Variants in KIF1B observed in about 807,000 individuals in gnomAD.
KIF1B encodes kinesin-like protein KIF1B.
A neutral mutation model predicts 241.9 loss-of-function variants in KIF1B; 76 were observed. That is an observed-to-expected ratio of 0.31 (90% CI 0.26 to 0.38). The LOEUF is 0.38. Ranked by LOEUF, KIF1B falls within the 10% of genes least tolerant of loss-of-function variation. The pLI, the probability that KIF1B is intolerant of heterozygous loss-of-function variation, is 1.00. For synonymous variants in KIF1B, 750 were observed against 796.7 expected, an observed-to-expected ratio of 0.94 and a Z score of 0.99; for missense variants, 1,622 against 2,271.4, an observed-to-expected ratio of 0.71 and a Z score of 5.81.
At chr1:10,280,380 T>C (rs1649348612) in intron 14 of KIF1B, among the ~76,000 whole-genome samples, 1 of 151,930 alleles carries the variant, frequency 6.6e-6, no homozygotes, top group South Asian at 2.1e-4. Context: ...GGACTATAGG[T>C]GCGCACCACC....
chr1:10,334,785 C>G, intron 28 of KIF1B, 147 bp downstream of exon 28: 1 of 703,902 alleles, frequency 1.4e-6, no homozygotes, highest in South Asian at 1.5e-5. Flanking sequence ...TTGGAGAAAG[C>G]CTTTATTGCT....
chr1:10,339,126 G>GA (rs1024760797), intron 31 of KIF1B, among the ~76,000 whole-genome samples: 5 of 152,102 alleles, frequency 3.3e-5, no homozygotes, highest in African/African-American at 1.2e-4. Flanking sequence ...CACTATCTGT[G>GA]AAAATAACTA....
At chr1:10,313,337 G>T (rs1021019666) in intron 22 of KIF1B, among the ~76,000 whole-genome samples, 1 of 151,344 alleles carries the variant, frequency 6.6e-6, no homozygotes, top group Non-Finnish European at 1.5e-5. Flanking sequence ...AAAGTTCTGG[G>T]ATTACAGGCA....
chr1:10,272,918 C>A (rs1025739269), intron 9 of KIF1B, 96 bp from the exon 10 acceptor site: 1 of 1,038,480 alleles, frequency 9.6e-7, no homozygotes, highest in South Asian at 1.5e-5. Context: ...TTGGAGAAAT[C>A]ATAATCTATG....
At chr1:10,256,408 G>C in intron 3 of KIF1B, 85 bp downstream of exon 3, 9 of 934,342 alleles carry the variant, frequency 9.6e-6, no homozygotes. Context: ...TAGCTGAGCA[G>C]ATCCAAGTTT....
intron 26 of KIF1B, among the ~76,000 whole-genome samples, chr1:10,325,409 G>C (rs1201626099): frequency 6.6e-6 from 1 of 151,892 alleles, no homozygotes; most frequent in East Asian, 1.9e-4. Context: ...GCCTCTATGA[G>C]TCCATATTGA....
chr1:10,279,103 C>A lies in KIF1B; in HGVS notation c.1187C>A (p.Pro396Gln). 1 of 1,546,460 alleles carries A rather than the reference C, an allele frequency of 6.5e-7. No homozygotes were observed. ...QGLGDIIDID[P>Q]LIDDYSGSGS... The stretch of plus-strand genomic sequence containing the variant: ...CCCTCCTGCTTACCTTCAGTTGATC[C>A]ATTGATCGATGATTACTCTGGAAGT... Residue 396 changes from proline to glutamine, a missense_variant, in exon 14 of 49, where the codon CCA (proline) becomes CAA (glutamine). Pro to Gln is a moderately conservative substitution (Grantham distance 76, BLOSUM62 -1). Coordinates refer to ENST00000676179, the MANE Select transcript of KIF1B (RefSeq NM_001365951.3).
intron 27 of KIF1B, among the ~76,000 whole-genome samples, chr1:10,331,807 T>C (rs1651931021): frequency 6.6e-6 from 1 of 152,266 alleles, no homozygotes; most frequent in Non-Finnish European, 1.5e-5. Flanking sequence ...AACTAGATTC[T>C]ATTTCCCTTT....
chr1:10,319,452 A>G (rs1651440473), intron 22 of KIF1B, among the ~76,000 whole-genome samples: 1 of 152,188 alleles, frequency 6.6e-6, no homozygotes, highest in South Asian at 2.1e-4. Flanking sequence ...TACTTGAATA[A>G]CTAAATGCAG....
rs1652103656 is a variant in KIF1B at position 10,334,808 on chromosome 1, T to TAAAGTATCACAAA, written c.3043+170_3043+171insAAAGTATCACAAA. On this transcript the variant is annotated intron_variant, in intron 28 of 48. Transcript: ENST00000676179. ...AGCCTTTATTGCTCCTTTCTAGCAATTGTTCCCAAGTATCACAAATAGATC... is the reference window on the plus strand; with the variant it reads ...AGCCTTTATTGCTCCTTTCTAGCAATAAAGTATCACAAATGTTCCCAAGTATCACAAATAGATC... Among the ~76,000 whole-genome samples, 4 of 152,370 alleles carry TAAAGTATCACAAA rather than the reference T, an allele frequency of 2.6e-5. No homozygotes were observed. The South Asian group carries it at 6.2e-4, about 24-fold the overall frequency.
At chr1:10,364,139 G>T (rs1199727685) in intron 41 of KIF1B, among the ~76,000 whole-genome samples, 1 of 151,016 alleles carries the variant, frequency 6.6e-6, no homozygotes, top group African/African-American at 2.4e-5. Flanking sequence ...TACTGAGTGT[G>T]TGTATGTGTG....
chr1:10,357,875 G>T (rs1274854588), intron 38 of KIF1B, among the ~76,000 whole-genome samples: 2 of 151,956 alleles, frequency 1.3e-5, no homozygotes, highest in Non-Finnish European at 2.9e-5. Flanking sequence ...CAGACTTGGT[G>T]GTGGGCGCCT....
rs1638556811 is a variant in KIF1B, at chr1:10,365,818, C to G, written c.4752+170C>G. Among the ~76,000 whole-genome samples, 1 of 152,200 alleles carries G rather than the reference C, an allele frequency of 6.6e-6. No homozygotes were observed. The highest frequency in any genetic ancestry group is 1.5e-5 in the Non-Finnish European group (1 of 68,040). On this transcript the variant is annotated intron_variant, in intron 43 of 48. Transcript: ENST00000676179. This position sits in a 1 kb window ranked among gnomAD's most constrained non-coding sequence, Gnocchi z 4.0. ...CCTACCCTCAACAAGCTTACAGGGC[C>G]AGGCACAGTGCCTGATGCCTATTAT...
chr1:10,299,494 A>AT (rs1181984814), intron 22 of KIF1B, among the ~76,000 whole-genome samples: 1 of 152,236 alleles, frequency 6.6e-6, no homozygotes, highest in African/African-American at 2.4e-5. Context: ...AAATGTCTTT[A>AT]TATATTACCC....
intron 22 of KIF1B, chr1:10,304,777 G>A (rs1313306409): frequency 6.5e-7 from 1 of 1,527,010 alleles, no homozygotes; most frequent in South Asian, 1.2e-5. Flanking sequence ...GTTTTATATT[G>A]TTAAGACAAA....
At position 10,337,851 on chromosome 1, in the gene KIF1B, T is replaced by A. The variant is rs1275367548; in HGVS notation, c.3422+318T>A. On this transcript the variant is annotated intron_variant, in intron 31 of 48. Coordinates refer to ENST00000676179, the MANE Select transcript of KIF1B (RefSeq NM_001365951.3). The surrounding 1 kb of genome is among the most constrained non-coding windows in gnomAD (Gnocchi z 4.0). ...ATGAGTCTTTCTAGTCCTCTTCATGTTGAAATGTCTTATTAATAAGCCTGA... is the reference window on the plus strand; with the variant it reads ...ATGAGTCTTTCTAGTCCTCTTCATGATGAAATGTCTTATTAATAAGCCTGA... Among the ~76,000 whole-genome samples, 1 of 152,166 alleles carries A rather than the reference T, an allele frequency of 6.6e-6. No individual in the cohort carries two copies. The highest frequency in any genetic ancestry group is 2.4e-5 in the African/African-American group (1 of 41,430).
Position 10,343,254 on chromosome 1 carries a change from T to A in KIF1B, c.3655T>A (p.Phe1219Ile), listed in dbSNP as rs1247401324. ...LNSPPQPCRR[F>I]FPPPMPLSKP... ...CAGTCCGCCTCAGCCGTGCCGCCGA[T>A]TCTTCCCTCCACCCATGCCACTGTC... Residue 1219 changes from phenylalanine to isoleucine, a missense_variant, in exon 34 of 49, where the codon TTC becomes ATC. Phe to Ile is a conservative substitution (Grantham distance 21). Transcript: ENST00000676179. 6.2e-7 allele frequency: 1 copy of A among 1,614,122 alleles called. No individual in the cohort carries two copies. The highest frequency in any genetic ancestry group is 1.7e-5 in the Admixed American group (1 of 60,006).
intron 13 of KIF1B, chr1:10,278,449 T>C (rs1033883783): frequency 1.7e-5 from 5 of 291,086 alleles, no homozygotes; most frequent in African/African-American, 2.2e-5. Context: ...AAACCTGTTA[T>C]CACTGAGCAA....
intron 22 of KIF1B, among the ~76,000 whole-genome samples, chr1:10,297,916 C>G (rs933379235): frequency 3.9e-5 from 6 of 152,108 alleles, no homozygotes; most frequent in Non-Finnish European, 5.9e-5. Context: ...GCTGGAAAGT[C>G]TGTTTAAGGT....
Sources: gnomAD v4.1 joint callset for allele counts (sites outside exome capture counted in the v4.1 genomes callset) on GRCh38, gnomAD v4.1.1 for gene constraint, Gnocchi (gnomAD v3.1) non-coding constraint, MANE v1.5 for transcripts, NCBI Gene and HGNC (gene_info 2026-07-23, HGNC 2026-07-21) for gene names.